HECW1: variants seen among roughly 807,000 people sequenced by gnomAD.
HECW1 encodes the protein E3 ubiquitin-protein ligase HECW1.
HECW1 carries 61 observed loss-of-function variants against 182.3 expected under a neutral mutation model. The observed-to-expected ratio is 0.33, with a 90% CI of 0.27 to 0.41. The LOEUF (loss-of-function observed/expected upper bound fraction) is 0.41. Among genes scored for constraint, HECW1 ranks in the 10% least tolerant of loss-of-function variants. HECW1 has a pLI of 1.00. For missense variants in HECW1, 1,739 were observed against 2,108.9 expected (o/e 0.82, Z 3.44); for synonymous variants, 859 against 832.6 (o/e 1.03, Z -0.55).
rs77522179 is a variant in HECW1 at position 43,298,169 on chromosome 7, C to T, written c.28-13594C>T. ...TCTAGTTGGAATAGAGTGCACCATTCGCCCTGTCTGGAATATTCACCCCAC... is the reference window on the plus strand; with the variant it reads ...TCTAGTTGGAATAGAGTGCACCATTTGCCCTGTCTGGAATATTCACCCCAC... On this transcript the variant is annotated intron_variant, in intron 3 of 29. Transcript: ENST00000395891. Among the ~76,000 whole-genome samples the T allele has an allele frequency of 7.6e-3, 1,163 of 152,280 alleles. 19 individuals carry two copies. Among genetic ancestry groups the T allele is most frequent in the African/African-American group, 0.027 (1,115 of 41,540 alleles).
rs1414776601 is a variant in HECW1, at chr7:43,463,725, G to A, written c.2717G>A (p.Cys906Tyr). The change falls in exon 14 of 30, where the codon TGC (cysteine) becomes TAC (tyrosine). Residue 906 changes from cysteine (C) to tyrosine (Y), a missense_variant. Coordinates refer to ENST00000395891, the MANE Select transcript of HECW1 (RefSeq NM_015052.5). ...GAAGAAGATTCTGGCAGCCAAAGCT[G>A]CGAGCAAGCCCCAGCAGGAGGAGGC... ...RSEEDSGSQS[C>Y]EQAPAGGGGG... 3 of 1,613,944 alleles carry A rather than the reference G, an allele frequency of 1.9e-6. No individual in the cohort carries two copies. The highest frequency in any genetic ancestry group is 2.5e-6 in the Non-Finnish European group (3 of 1,180,022).
intron 14 of HECW1, among the ~76,000 whole-genome samples, chr7:43,465,713 T>A (rs1373551388): frequency 6.6e-6 from 1 of 151,958 alleles, no homozygotes; most frequent in East Asian, 1.9e-4. Context: ...CAGCTGTGGT[T>A]AGCAACTTGT....
At chr7:43,514,951 A>G (rs1216218983) in intron 24 of HECW1, among the ~76,000 whole-genome samples, 1 of 152,218 alleles carries the variant, frequency 6.6e-6, no homozygotes, top group African/African-American at 2.4e-5. Flanking sequence ...TGGCTCTATC[A>G]TCAGGATCTA....
rs200912368 is a variant in HECW1, at chr7:43,508,059, A to C, written c.3794A>C (p.Asn1265Thr). ...GATCATTTGTTGGAGGGAACCTTCAATCAGGTGATGGCCTATTCGCGGAAA... is the reference window on the plus strand; with the variant it reads ...GATCATTTGTTGGAGGGAACCTTCACTCAGGTGATGGCCTATTCGCGGAAA... ...RRDHLLEGTF[N>T]QVMAYSRKEL... The change falls in exon 23 of 30, where the codon AAT becomes ACT. Residue 1265 changes from asparagine to threonine, a missense_variant. Asn to Thr is a moderately conservative substitution (Grantham distance 65). Coordinates refer to ENST00000395891, the MANE Select transcript of HECW1 (RefSeq NM_015052.5). 2 of 1,614,064 alleles carry C rather than the reference A, an allele frequency of 1.2e-6. No individual in the cohort carries two copies. Among genetic ancestry groups the C allele is most frequent in the Non-Finnish European group, 1.7e-6 (2 of 1,179,934 alleles).
At chr7:43,167,328 T>C (rs1164109285) in intron 2 of HECW1, among the ~76,000 whole-genome samples, 1 of 152,194 alleles carries the variant, frequency 6.6e-6, no homozygotes, top group East Asian at 1.9e-4. Context: ...ATTCGAGGAA[T>C]ACTAGTCATT....
intron 2 of HECW1, chr7:43,241,476 TAGTAAACTGTAAAGAAATAATTTAC>T (rs1798866210): frequency 6.6e-6 from 1 of 152,154 alleles, no homozygotes; most frequent in Non-Finnish European, 1.5e-5. Context: ...GTTAAACAAT[TAGTAAACTGTAAAGAAATAATTTAC>T]AGTAAACTGT....
chr7:43,565,927 G>A lies in HECW1; in HGVS notation c.*4001G>A, dbSNP rs992208449. The A allele has an allele frequency of 1.5e-5, 3 of 194,756 alleles. No individual in the cohort carries two copies. The highest frequency in any genetic ancestry group is 3.2e-5 in the Non-Finnish European group (3 of 93,558). The allele number at this position is 194,756 out of a possible 1,614,324, so 12.1% of individuals were successfully genotyped here. Reference sequence around the variant, plus strand: ...CTTACATCAGCAAGAGAAATGTCACGTGATACTCAGGCCGCGCTTTCTCTT... The same window carrying A: ...CTTACATCAGCAAGAGAAATGTCACATGATACTCAGGCCGCGCTTTCTCTT... On this transcript the variant is annotated 3_prime_UTR_variant, in exon 30 of 30. Transcript: ENST00000395891.
chr7:43,396,307 G>A (rs769573017), intron 6 of HECW1, among the ~76,000 whole-genome samples: 15 of 152,122 alleles, frequency 9.9e-5, no homozygotes, highest in Non-Finnish European at 2.2e-4. Flanking sequence ...TTAATTAAGA[G>A]AGACCTCAGA....
chr7:43,261,004 T>C (rs1449213816), intron 3 of HECW1, among the ~76,000 whole-genome samples: 2 of 152,088 alleles, frequency 1.3e-5, no homozygotes, highest in East Asian at 3.9e-4. Context: ...GATGAGGAAA[T>C]TAAGAAATTA....
At chr7:43,161,893 C>T (rs997205471) in intron 2 of HECW1, among the ~76,000 whole-genome samples, 6 of 152,198 alleles carry the variant, frequency 3.9e-5, no homozygotes, top group Non-Finnish European at 7.3e-5. Flanking sequence ...CAATGTGACC[C>T]GTTTCCCATG....
At chr7:43,529,754 C>G (rs1162961080) in intron 24 of HECW1, among the ~76,000 whole-genome samples, 2 of 152,252 alleles carry the variant, frequency 1.3e-5, no homozygotes, top group Middle Eastern at 3.4e-3. Flanking sequence ...CTCCATGCCT[C>G]TCCAGCAGTC....
At chr7:43,526,385 A>C (rs1252616879) in intron 24 of HECW1, among the ~76,000 whole-genome samples, 1 of 151,878 alleles carries the variant, frequency 6.6e-6, no homozygotes, top group Non-Finnish European at 1.5e-5. Flanking sequence ...TAAGTATTCC[A>C]GCAGTTAGCA....
intron 2 of HECW1, chr7:43,148,763 A>G (rs914185015): frequency 4.6e-5 from 7 of 151,832 alleles, no homozygotes; most frequent in Non-Finnish European, 8.8e-5. Flanking sequence ...ATGACATGGA[A>G]CTAAAGTGAC....
At chr7:43,165,551 A>G (rs1362554674) in intron 2 of HECW1, among the ~76,000 whole-genome samples, 1 of 152,216 alleles carries the variant, frequency 6.6e-6, no homozygotes, top group East Asian at 1.9e-4. Context: ...ATTTGAGAAC[A>G]TAAGAGTGAT....
intron 13 of HECW1, among the ~76,000 whole-genome samples, chr7:43,458,136 A>C (rs959223105): frequency 6.6e-6 from 1 of 152,234 alleles, no homozygotes; most frequent in African/African-American, 2.4e-5. Flanking sequence ...CTAAAAATGT[A>C]GAAGACACAG....
At chr7:43,131,081 T>TA (rs55670468) in intron 2 of HECW1, among the ~76,000 whole-genome samples, 33,803 of 151,918 alleles carry the variant, frequency 0.22, 4,118 homozygotes, top group Non-Finnish European at 0.27. Flanking sequence ...GCCTGGCCAA[T>TA]ATGGTGAAAC....
chr7:43,386,325 A>G (rs1336920725), intron 6 of HECW1, among the ~76,000 whole-genome samples: 1 of 152,220 alleles, frequency 6.6e-6, no homozygotes, highest in Non-Finnish European at 1.5e-5. Flanking sequence ...CTTGGGGCCC[A>G]TCTTAGAATT....
At chr7:43,187,760 T>C (rs920708096) in intron 2 of HECW1, among the ~76,000 whole-genome samples, 2 of 152,242 alleles carry the variant, frequency 1.3e-5, no homozygotes, top group Non-Finnish European at 2.9e-5. Context: ...TTCGACCAAA[T>C]AGGTTCTGAT....
chr7:43,480,689 A>G (rs1454739363), intron 17 of HECW1, among the ~76,000 whole-genome samples: 2 of 149,116 alleles, frequency 1.3e-5, no homozygotes, highest in Admixed American at 6.8e-5. Flanking sequence ...ATACGCATAT[A>G]TATATATACA....
Sources: gnomAD v4.1 joint callset for allele counts (sites outside exome capture counted in the v4.1 genomes callset) on GRCh38, gnomAD v4.1.1 for gene constraint, MANE v1.5 for transcripts, NCBI Gene and HGNC (gene_info 2026-07-23, HGNC 2026-07-21) for gene names.